The following NR2C2 variants were observed in gnomAD, a reference collection of about 807,000 sequenced individuals.
NR2C2 encodes the protein nuclear receptor subfamily 2 group C member 2, also known as Nuclear hormone receptor TR4.
NR2C2 carries 6 observed loss-of-function variants against 62.9 expected under a neutral mutation model. That is an observed-to-expected ratio of 0.10 (90% CI 0.05 to 0.19). NR2C2 has a LOEUF of 0.19. Among genes scored for constraint, NR2C2 ranks in the 10% least tolerant of loss-of-function variants. NR2C2 has a pLI of 1.00. For synonymous variants in NR2C2, 272 were observed against 273.8 expected (o/e 0.99, Z 0.07); for missense variants, 479 against 762.7 (o/e 0.63, Z 4.38).
At chr3:15,027,833 A>G (rs2041865674) in intron 7 of NR2C2, among the ~76,000 whole-genome samples, 1 of 151,394 alleles carries the variant, frequency 6.6e-6, no homozygotes, top group African/African-American at 2.4e-5. Flanking sequence ...CTTGGGCTCA[A>G]GGGATCCTTC....
chr3:15,012,521 C>T (rs115163104), intron 2 of NR2C2, among the ~76,000 whole-genome samples: 5,554 of 149,856 alleles, frequency 0.037, 359 homozygotes, highest in African/African-American at 0.13. Flanking sequence ...CCACTGCGTC[C>T]GGCTGGAGTT....
intron 1 of NR2C2, among the ~76,000 whole-genome samples, chr3:14,994,977 C>CTTTTTT (rs71038447): frequency 1.9e-5 from 2 of 104,150 alleles, no homozygotes; most frequent in Non-Finnish European, 3.8e-5. Context: ...ATACAATTCA[C>CTTTTTT]TTTTTTTTTT....
rs1481141276 is a variant in NR2C2, at chr3:15,046,501, A to C, written c.*3493A>C. On this transcript the variant is annotated 3_prime_UTR_variant, in exon 14 of 14. Coordinates refer to ENST00000425241, the MANE Select transcript of NR2C2 (RefSeq NM_001291694.2). ...GTGCTTTTACTTTCATAGTCCTTTGAGGACATTTCCTGCAGAGCACTCTTG... is the reference window on the plus strand; with the variant it reads ...GTGCTTTTACTTTCATAGTCCTTTGCGGACATTTCCTGCAGAGCACTCTTG... The C allele has an allele frequency of 6.6e-6, 1 of 152,244 alleles. No individual in the cohort carries two copies. Among genetic ancestry groups the C allele is most frequent in the East Asian group, 1.9e-4 (1 of 5,198 alleles). 9.4% of individuals were successfully genotyped at this position (152,244 alleles called of 1,614,324 possible).
chr3:15,013,829 T>C, intron 3 of NR2C2, 40 bp downstream of exon 3: 1 of 1,601,074 alleles, frequency 6.2e-7, no homozygotes, highest in Non-Finnish European at 8.6e-7. Flanking sequence ...GCACTTCTGC[T>C]ATTGAACTTG....
At chr3:14,986,350 T>G (rs1032879973) in intron 1 of NR2C2, among the ~76,000 whole-genome samples, 17 of 152,158 alleles carry the variant, frequency 1.1e-4, no homozygotes, top group African/African-American at 4.1e-4. Flanking sequence ...ATAAGGGTAC[T>G]AAGAAGATAC....
rs1026960762 is a variant in NR2C2, at chr3:15,045,188, C to T, written c.*2180C>T. 2 of 152,198 alleles carry T rather than the reference C, an allele frequency of 1.3e-5. No individual in the cohort carries two copies. Among genetic ancestry groups the T allele is most frequent in the African/African-American group, 2.4e-5 (1 of 41,440 alleles). 9.4% of individuals were successfully genotyped at this position (152,198 alleles called of 1,614,324 possible). On this transcript the variant is annotated 3_prime_UTR_variant, in exon 14 of 14. Transcript: ENST00000425241. ...TGGTGCCTCTAACACAGATTGTTGCCTGCCTTCCGTCGTTTTGATCCTTGA... is the reference window on the plus strand; with the variant it reads ...TGGTGCCTCTAACACAGATTGTTGCTTGCCTTCCGTCGTTTTGATCCTTGA...
At chr3:15,009,706 G>A (rs2041296225) in intron 2 of NR2C2, among the ~76,000 whole-genome samples, 1 of 152,072 alleles carries the variant, frequency 6.6e-6, no homozygotes, top group Non-Finnish European at 1.5e-5. Context: ...GTTTCCCAGG[G>A]CTGTCACAAT....
chr3:14,983,458 T>A (rs898682532), intron 1 of NR2C2, among the ~76,000 whole-genome samples: 23 of 109,686 alleles, frequency 2.1e-4, no homozygotes, highest in African/African-American at 8.9e-4. Context: ...GATTATACTC[T>A]TTATACACAC....
At chr3:14,983,163 G>A (rs1418770655) in intron 1 of NR2C2, among the ~76,000 whole-genome samples, 1 of 151,956 alleles carries the variant, frequency 6.6e-6, no homozygotes, top group Admixed American at 6.6e-5. Flanking sequence ...ACTTATTGCG[G>A]ACTGTAATTA....
At chr3:14,982,417 A>C (rs1479969150) in intron 1 of NR2C2, among the ~76,000 whole-genome samples, 4 of 152,206 alleles carry the variant, frequency 2.6e-5, no homozygotes, top group African/African-American at 9.6e-5. Context: ...TTGGAATTGC[A>C]AATACTTAAA....
At chr3:14,988,950 C>G (rs190994245) in intron 1 of NR2C2, among the ~76,000 whole-genome samples, 1 of 152,152 alleles carries the variant, frequency 6.6e-6, no homozygotes, top group Non-Finnish European at 1.5e-5. Context: ...TTCTTTCAGC[C>G]TCCTTCTCCA....
At chr3:14,988,238 C>T (rs1559547958) in intron 1 of NR2C2, among the ~76,000 whole-genome samples, 3 of 152,230 alleles carry the variant, frequency 2.0e-5, no homozygotes, top group East Asian at 3.8e-4. Context: ...TGGAGATGGA[C>T]CTCCAGCTTC....
At chr3:14,948,025 G>A (rs1486983039) in intron 1 of NR2C2, 119 bp downstream of exon 1, 2 of 152,250 alleles carry the variant, frequency 1.3e-5, no homozygotes, top group Non-Finnish European at 2.9e-5. Context: ...TTGCCACGGG[G>A]TGGCGGCGGC....
intron 2 of NR2C2, 59 bp downstream of exon 2, chr3:15,004,045 A>G (rs1435722379): frequency 1.4e-6 from 2 of 1,421,658 alleles, no homozygotes; most frequent in African/African-American, 2.9e-5. Context: ...TCCAAAAACA[A>G]ACCTTCCTAA....
intron 12 of NR2C2, 129 bp from the exon 13 acceptor site, chr3:15,038,993 A>T: frequency 1.5e-6 from 1 of 680,782 alleles, no homozygotes; most frequent in South Asian, 1.8e-5. Context: ...CCCAAACTAG[A>T]TCAGTCTTTG....
At chr3:14,948,094 C>T (rs954974722) in intron 1 of NR2C2, 188 bp downstream of exon 1, 4 of 152,130 alleles carry the variant, frequency 2.6e-5, no homozygotes, top group African/African-American at 9.7e-5. Flanking sequence ...CGCCCGCGGC[C>T]GGGCGAAGCG....
intron 2 of NR2C2, among the ~76,000 whole-genome samples, chr3:15,009,243 G>A (rs528873276): frequency 3.3e-5 from 5 of 152,146 alleles, no homozygotes; most frequent in East Asian, 1.9e-4. Context: ...AAGTAAATAC[G>A]GCACTTTACC....
chr3:14,962,817 T>G (rs2039725769), intron 1 of NR2C2, among the ~76,000 whole-genome samples: 1 of 152,206 alleles, frequency 6.6e-6, no homozygotes. Context: ...TACGCTTGAT[T>G]CTTCGTTAAT....
chr3:15,042,236 T>G (rs111732994), intron 13 of NR2C2, among the ~76,000 whole-genome samples: 4 of 152,156 alleles, frequency 2.6e-5, no homozygotes, highest in African/African-American at 9.7e-5. Context: ...CACCCCAAGT[T>G]TCTTCAAAAT....
Sources: gnomAD v4.1 joint callset for allele counts (sites outside exome capture counted in the v4.1 genomes callset) on GRCh38, gnomAD v4.1.1 for gene constraint, MANE v1.5 for transcripts, NCBI Gene and HGNC (gene_info 2026-07-23, HGNC 2026-07-21) for gene names.